DENND4A: variants seen among roughly 807,000 people sequenced by gnomAD.
The protein encoded by DENND4A is C-myc promoter-binding protein.
Under a neutral mutation model 199.3 loss-of-function variants are expected in DENND4A, and 70 were observed. The ratio of observed to expected loss-of-function variants is 0.35; its 90% CI spans 0.29 to 0.43. The LOEUF (loss-of-function observed/expected upper bound fraction) is 0.43, where lower values mean the gene tolerates loss of function less well. DENND4A is among the 20% of genes least tolerant of loss of function. The probability of loss-of-function intolerance (pLI) is 1.00; values close to 1 mark genes in which losing one functional copy is unlikely to be tolerated. For synonymous variants in DENND4A, 686 were observed against 766.9 expected (o/e 0.89, Z 1.74); for missense variants, 1,723 against 2,255.8 (o/e 0.76, Z 4.78).
Position 65,670,015 on chromosome 15 carries a change from T to C in DENND4A, c.4638A>G (p.Gly1546=). ...ATGAAGGAAAAAAATATCATTACCTTCCAGGTCGTCTTAAATCTCTTATTT... is the reference window on the plus strand; with the variant it reads ...ATGAAGGAAAAAAATATCATTACCTCCCAGGTCGTCTTAAATCTCTTATTT... ...NIEIRDLRRP[G]RYFLKSSPST... The change falls in exon 26 of 33, where the codon GGA becomes GGG. Residue 1546 remains glycine, a splice_region_variant and synonymous_variant. Coordinates refer to ENST00000443035, the MANE Select transcript of DENND4A (RefSeq NM_001320835.1). The C allele has an allele frequency of 6.3e-7, 1 of 1,593,076 alleles. No individual in the cohort carries two copies. The highest frequency in any genetic ancestry group is 8.6e-7 in the Non-Finnish European group (1 of 1,168,014).
At chr15:65,753,373 CAG>C (rs927789437) in intron 3 of DENND4A, among the ~76,000 whole-genome samples, 15 of 151,962 alleles carry the variant, frequency 9.9e-5, no homozygotes, top group African/African-American at 3.6e-4. Flanking sequence ...TTTTTTGAGA[CAG>C]AGTCTCGGAG....
At chr15:65,745,751 C>A (rs1261196671) in intron 4 of DENND4A, among the ~76,000 whole-genome samples, 1 of 151,882 alleles carries the variant, frequency 6.6e-6, no homozygotes, top group Admixed American at 6.6e-5. Context: ...TAGTAGAAAC[C>A]AAAAGGAATA....
intron 7 of DENND4A, among the ~76,000 whole-genome samples, chr15:65,733,731 C>A (rs1323956917): frequency 6.6e-6 from 1 of 152,158 alleles, no homozygotes; most frequent in Non-Finnish European, 1.5e-5. Context: ...CCATTTTGTT[C>A]TGTACTAAGA....
At chr15:65,683,261 T>C (rs952234405) in intron 23 of DENND4A, among the ~76,000 whole-genome samples, 1 of 152,188 alleles carries the variant, frequency 6.6e-6, no homozygotes, top group South Asian at 2.1e-4. Flanking sequence ...CTTTCTGATA[T>C]TAGTGATTGT....
At chr15:65,715,716 A>G in intron 13 of DENND4A, 93 bp from the exon 14 acceptor site, 1 of 1,224,996 alleles carries the variant, frequency 8.2e-7, no homozygotes, top group Non-Finnish European at 1.1e-6. Flanking sequence ...CAACCATGTC[A>G]TCTATACCTC....
chr15:65,715,257 C>T (rs1242096145), intron 14 of DENND4A: 1 of 393,552 alleles, frequency 2.5e-6, no homozygotes, highest in African/African-American at 2.1e-5. Context: ...TACAATAAAA[C>T]TTATGATTAC....
chr15:65,741,596 A>G (rs899700423), intron 5 of DENND4A, 119 bp downstream of exon 5: 1 of 635,318 alleles, frequency 1.6e-6, no homozygotes, highest in Non-Finnish European at 2.6e-6. Flanking sequence ...GAATCAGAAG[A>G]TACGGATTGT....
chr15:65,711,068 C>T (rs754287120), intron 14 of DENND4A, among the ~76,000 whole-genome samples: 6 of 152,098 alleles, frequency 3.9e-5, no homozygotes, highest in African/African-American at 1.2e-4. Context: ...TATTTCTTTA[C>T]GGCAACACAA....
At chr15:65,718,023 T>C in intron 12 of DENND4A, 27 bp from the exon 13 acceptor site, 4 of 1,502,976 alleles carry the variant, frequency 2.7e-6, no homozygotes, top group Non-Finnish European at 3.6e-6. Flanking sequence ...TGTTAGTGTT[T>C]TCTCCAAACT....
chr15:65,789,807 T>C (rs1242767695), intron 1 of DENND4A, among the ~76,000 whole-genome samples: 1 of 152,208 alleles, frequency 6.6e-6, no homozygotes, highest in Non-Finnish European at 1.5e-5. Context: ...AACAACAAAA[T>C]ATAATGTAAC....
chr15:65,772,148 C>T (rs1202693272), intron 1 of DENND4A: 1 of 738,762 alleles, frequency 1.4e-6, no homozygotes, highest in Non-Finnish European at 2.4e-6. Flanking sequence ...CCATAGCTTG[C>T]TCCTTCGATT....
At chr15:65,770,239 TAGA>T (rs1318793497) in intron 1 of DENND4A, among the ~76,000 whole-genome samples, 7 of 152,166 alleles carry the variant, frequency 4.6e-5, no homozygotes, top group Non-Finnish European at 1.0e-4. Flanking sequence ...TACTTATTTG[TAGA>T]AGAACTTCTT....
At chr15:65,778,026 C>T (rs894372783) in intron 1 of DENND4A, among the ~76,000 whole-genome samples, 3 of 151,698 alleles carry the variant, frequency 2.0e-5, no homozygotes, top group Non-Finnish European at 2.9e-5. Flanking sequence ...GAGGGAGACT[C>T]CGTATCAAAA....
intron 1 of DENND4A, among the ~76,000 whole-genome samples, chr15:65,778,875 CACA>C (rs530451670): frequency 1.0e-3 from 141 of 139,400 alleles, no homozygotes; most frequent in African/African-American, 3.5e-3. Context: ...GCCCGGGTGA[CACA>C]ACGAGACTCC....
At chr15:65,758,860 G>A (rs1313836680) in intron 2 of DENND4A, among the ~76,000 whole-genome samples, 3 of 151,964 alleles carry the variant, frequency 2.0e-5, no homozygotes, top group Non-Finnish European at 4.4e-5. Flanking sequence ...AAAGGCAGCC[G>A]ATAAACTTTG....
intron 1 of DENND4A, chr15:65,771,940 T>C (rs892599016): frequency 1.9e-6 from 3 of 1,599,208 alleles, no homozygotes; most frequent in Admixed American, 1.7e-5. Flanking sequence ...ATAAGCTTTT[T>C]TCAAATCTTC....
intron 11 of DENND4A, 77 bp downstream of exon 11, chr15:65,728,995 A>T (rs937399892): frequency 1.5e-6 from 2 of 1,344,672 alleles, no homozygotes; most frequent in African/African-American, 1.5e-5. Context: ...CCTACTTAAC[A>T]ATCATAAAAT....
intron 7 of DENND4A, among the ~76,000 whole-genome samples, chr15:65,735,676 T>C (rs927798202): frequency 1.3e-5 from 2 of 152,222 alleles, no homozygotes; most frequent in Non-Finnish European, 2.9e-5. Flanking sequence ...AAACTATACA[T>C]AAATAACTTC....
At chr15:65,729,010 A>G in intron 11 of DENND4A, 62 bp downstream of exon 11, 2 of 1,391,324 alleles carry the variant, frequency 1.4e-6, no homozygotes, top group South Asian at 2.5e-5. Context: ...TAAAATATAC[A>G]GTTACATACA....
Sources: gnomAD v4.1 joint callset for allele counts (sites outside exome capture counted in the v4.1 genomes callset) on GRCh38, gnomAD v4.1.1 for gene constraint, MANE v1.5 for transcripts, NCBI Gene and HGNC (gene_info 2026-07-23, HGNC 2026-07-21) for gene names.